Variants in LAMA4 observed in about 807,000 individuals in gnomAD.
LAMA4 encodes the protein laminin subunit alpha 4, also known as laminin subunit alpha-4.
In LAMA4, 127 loss-of-function variants were observed where a neutral mutation model predicts 207.1. The ratio of observed to expected loss-of-function variants is 0.61; its 90% CI spans 0.53 to 0.71. The LOEUF (loss-of-function observed/expected upper bound fraction) is 0.71, where lower values mean the gene tolerates loss of function less well. Ranked by LOEUF, LAMA4 falls within the 30% of genes least tolerant of loss-of-function variation. LAMA4 has a pLI of 0.00. For synonymous variants in LAMA4, 761 were observed against 816.0 expected (o/e 0.93, Z 1.15); for missense variants, 2,093 against 2,246.5 (o/e 0.93, Z 1.38).
At chr6:112,131,447 A>T (rs565286226) in intron 28 of LAMA4, among the ~76,000 whole-genome samples, 1 of 152,198 alleles carries the variant, frequency 6.6e-6, no homozygotes, top group East Asian at 1.9e-4. Context: ...CTCCTTGGGG[A>T]TGTAGCTAGA....
intron 3 of LAMA4, among the ~76,000 whole-genome samples, chr6:112,209,302 C>G (rs531135192): frequency 6.6e-6 from 1 of 152,272 alleles, no homozygotes; most frequent in Non-Finnish European, 1.5e-5. Context: ...TACTGTGTTG[C>G]AAAAATGAGC....
intron 5 of LAMA4, among the ~76,000 whole-genome samples, chr6:112,194,327 T>C (rs1554349926): frequency 1.3e-5 from 2 of 152,252 alleles, no homozygotes; most frequent in African/African-American, 4.8e-5. Flanking sequence ...AGTAACTTTT[T>C]CATTTAATTC....
intron 16 of LAMA4, 105 bp downstream of exon 16, chr6:112,154,746 A>G: frequency 1.3e-6 from 1 of 792,666 alleles, no homozygotes; most frequent in South Asian, 1.4e-5. Context: ...TTATGTAGTT[A>G]TAATACTATT....
At chr6:112,116,198 G>A (rs892655586) in intron 35 of LAMA4, among the ~76,000 whole-genome samples, 1 of 152,206 alleles carries the variant, frequency 6.6e-6, no homozygotes, top group Non-Finnish European at 1.5e-5. Flanking sequence ...CAATCCTGTT[G>A]TGGGGTGTGA....
chr6:112,140,893 G>A lies in LAMA4; in HGVS notation c.2843C>T (p.Thr948Ile). 6.2e-7 allele frequency: 1 copy of A among 1,613,680 alleles called. No individual in the cohort carries two copies. The highest frequency in any genetic ancestry group is 1.3e-5 in the African/African-American group (1 of 75,000). ...RVGKHGKVFLTVPSLSSTAEE... is the reference protein window; with the variant it reads ...RVGKHGKVFLIVPSLSSTAEE... ...TGCTGTGCTACTTAGACTCGGGACT[G>A]TTAAAAACACCTTTCCATGTTTTCC... is the stretch of plus-strand genomic sequence containing the variant. Residue 948 changes from threonine (T) to isoleucine (I), a missense_variant, in exon 22 of 39, where the codon ACA (threonine) becomes ATA (isoleucine). This residue lies in a region of LAMA4 where 1,704 missense variants were observed against 1,788.4 expected (regional missense o/e 0.95). Transcript: ENST00000230538.
chr6:112,180,285 C>T lies in LAMA4; in HGVS notation c.1078-2053G>A, dbSNP rs549725407. Among the ~76,000 whole-genome samples the T allele has an allele frequency of 2.4e-4, 37 of 152,162 alleles. No homozygotes were observed. The South Asian group carries it at 7.1e-3, about 29-fold the overall frequency. The stretch of plus-strand genomic sequence containing the variant: ...AAGAAAACCTCTTCTTTTTGACAAA[C>T]GCCAGAGGGCGCTAAGATACAGGTA... On this transcript the variant is annotated intron_variant, in intron 9 of 38. Coordinates refer to ENST00000230538, the MANE Select transcript of LAMA4 (RefSeq NM_001105206.3).
intron 35 of LAMA4, among the ~76,000 whole-genome samples, chr6:112,116,555 C>T (rs1211036820): frequency 6.6e-6 from 1 of 152,132 alleles, no homozygotes; most frequent in Non-Finnish European, 1.5e-5. Flanking sequence ...TAAACAGAAA[C>T]CTAACTGGTG....
intron 32 of LAMA4, among the ~76,000 whole-genome samples, chr6:112,120,956 C>A (rs964953046): frequency 6.6e-6 from 1 of 151,900 alleles, no homozygotes; most frequent in African/African-American, 2.4e-5. Context: ...CACCTGTAGT[C>A]CCAGCTACTT....
rs1173465019 is a variant in LAMA4 at position 112,190,871 on chromosome 6, TTTTCTTTCTTTCTTTC to T, written c.718+749_718+764del. On this transcript the variant is annotated intron_variant, in intron 6 of 38. Transcript: ENST00000230538. ...CTGATTTGAACCATGCAAGGTTTCT[TTTTCTTTCTTTCTTTC>T]TTTCTTTCTTTCTTTCTTTCTTTCT... 6.3e-3 allele frequency among the ~76,000 whole-genome samples: 574 copies of T among 91,570 alleles called. 8 individuals are homozygous for T. Among genetic ancestry groups the T allele is most frequent in the Middle Eastern group, 0.011 (2 of 174 alleles). The allele number at this position is 91,570 out of a possible 152,430, so 60.1% of individuals were successfully genotyped here. A position where few individuals can be genotyped will look rare whatever the true frequency, so the allele number is the denominator to read the frequency against.
At chr6:112,171,698 A>T (rs574479219) in intron 12 of LAMA4, 12 of 152,464 alleles carry the variant, frequency 7.9e-5, no homozygotes, top group Admixed American at 2.6e-4. Flanking sequence ...AAAAAAAGTT[A>T]TCCCAACCAT....
rs782295209 is a variant in LAMA4 at position 112,253,782 on chromosome 6, T to C, written c.195+174A>G. The C allele has an allele frequency of 8.1e-6, 13 of 1,614,014 alleles. No individual in the cohort carries two copies. The East Asian group carries it at 2.9e-4, about 36-fold the overall frequency. ...CAACTTTCAACTCTCAACATCCAAA[T>C]GCAACTTACAAAGGAAAACTCTTTA... On this transcript the variant is annotated intron_variant, in intron 2 of 38. Coordinates refer to ENST00000230538, the MANE Select transcript of LAMA4 (RefSeq NM_001105206.3).
intron 31 of LAMA4, among the ~76,000 whole-genome samples, chr6:112,123,779 C>T (rs587694892): frequency 6.6e-6 from 1 of 152,268 alleles, no homozygotes; most frequent in East Asian, 1.9e-4. Flanking sequence ...CTCTCATGTC[C>T]TAAAGGAAAG....
chr6:112,158,676 A>T, intron 14 of LAMA4, 56 bp downstream of exon 14: 1 of 1,465,226 alleles, frequency 6.8e-7, no homozygotes, highest in African/African-American at 1.4e-5. Context: ...GGAATTGAAT[A>T]GTAATATTTT....
chr6:112,188,485 C>T (rs1782826141), intron 7 of LAMA4, among the ~76,000 whole-genome samples: 1 of 152,174 alleles, frequency 6.6e-6, no homozygotes, highest in African/African-American at 2.4e-5. Context: ...TTAATCTCGT[C>T]TGCTCCGAGG....
Position 112,114,128 on chromosome 6 carries a change from CA to C in LAMA4, c.5273del (p.Leu1758ArgfsTer22). On this transcript the variant is annotated frameshift_variant, in exon 38 of 39. Transcript: ENST00000230538. LOFTEE classifies it high-confidence loss of function. ...CCCTGTGATCAATTGGTTTTGGATT[CA>C]GGGGTCCAACCACATGGTTCACTTC... ...DSEVNHVVGP[L>X]NPKPIDHREP... 2 of 1,613,968 alleles carry C rather than the reference CA, an allele frequency of 1.2e-6. No individual in the cohort carries two copies. The highest frequency in any genetic ancestry group is 1.6e-4 in the Middle Eastern group (1 of 6,062).
intron 3 of LAMA4, among the ~76,000 whole-genome samples, chr6:112,215,273 C>T (rs1784564089): frequency 6.6e-6 from 1 of 152,116 alleles, no homozygotes; most frequent in South Asian, 2.1e-4. Flanking sequence ...ATAAACACTA[C>T]AAAGAGATAG....
At position 112,175,697 on chromosome 6, in the gene LAMA4, T is replaced by C. The variant is rs187402679; in HGVS notation, c.1190-217A>G. ...AAGGAGAAAGACACGAGGAAACCACTCTTCTCTGCTTCCCATGCGGGGTCT... is the reference window on the plus strand; with the variant it reads ...AAGGAGAAAGACACGAGGAAACCACCCTTCTCTGCTTCCCATGCGGGGTCT... On this transcript the variant is annotated intron_variant, in intron 10 of 38. Transcript: ENST00000230538. Among the ~76,000 whole-genome samples, 4 of 152,342 alleles carry C rather than the reference T, an allele frequency of 2.6e-5. 1 individual carries two copies. Among genetic ancestry groups the C allele is most frequent in the South Asian group, 4.1e-4 (2 of 4,828 alleles).
intron 33 of LAMA4, among the ~76,000 whole-genome samples, chr6:112,119,577 G>C (rs1440964289): frequency 2.0e-5 from 3 of 152,106 alleles, no homozygotes; most frequent in African/African-American, 7.2e-5. Flanking sequence ...ATTGTGAGCT[G>C]TCTCCAGGCC....
intron 2 of LAMA4, chr6:112,217,771 C>T (rs1439678446): frequency 1.3e-5 from 2 of 152,016 alleles, no homozygotes; most frequent in African/African-American, 4.8e-5. Context: ...AAGAGAAGAT[C>T]AATTTATAAT....
Sources: gnomAD v4.1 joint callset for allele counts (sites outside exome capture counted in the v4.1 genomes callset) on GRCh38, gnomAD v4.1.1 for gene constraint, gnomAD v4.1.1 regional missense constraint, MANE v1.5 for transcripts, NCBI Gene and HGNC (gene_info 2026-07-23, HGNC 2026-07-21) for gene names.